Variants in CCDC28A observed in about 807,000 individuals in gnomAD.
CCDC28A encodes the protein coiled-coil domain containing 28A.
Under a neutral mutation model 22.1 loss-of-function variants are expected in CCDC28A, and 24 were observed. The observed-to-expected ratio is 1.09, with a 90% CI of 0.79 to 1.53. The LOEUF is 1.53. CCDC28A is among the 40% of genes most tolerant of loss of function. The probability of loss-of-function intolerance (pLI) is 0.00; values close to 1 mark genes in which losing one functional copy is unlikely to be tolerated. For synonymous variants in CCDC28A, 83 were observed against 74.7 expected (o/e 1.11, Z -0.57); for missense variants, 170 against 210.7 (o/e 0.81, Z 1.20).
chr6:138,773,896 T>C lies in CCDC28A; in HGVS notation c.-49T>C, dbSNP rs1250153117. 6.2e-7 allele frequency: 1 copy of C among 1,613,084 alleles called. No individual in the cohort carries two copies. The highest frequency in any genetic ancestry group is 8.5e-7 in the Non-Finnish European group (1 of 1,180,004). On this transcript the variant is annotated 5_prime_UTR_variant, in exon 1 of 6. Coordinates refer to ENST00000617445, the MANE Select transcript of CCDC28A (RefSeq NM_015439.3). Reference sequence around the variant, plus strand: ...CGGAAGGGGGCCCCAATACCCTTCTTCTTCAGGTATGTAGTGGAAGCAAAG... The same window carrying C: ...CGGAAGGGGGCCCCAATACCCTTCTCCTTCAGGTATGTAGTGGAAGCAAAG...
chr6:138,788,870 G>A (rs1775131934), intron 5 of CCDC28A, among the ~76,000 whole-genome samples: 1 of 151,902 alleles, frequency 6.6e-6, no homozygotes, highest in African/African-American at 2.4e-5. Flanking sequence ...GATAACTGAG[G>A]GTTAGGTTAG....
rs1302889299 is a variant in CCDC28A, at chr6:138,792,795, G to A, written c.547G>A (p.Ala183Thr). ...ADAQDVPNTSAS is the reference protein window; with the variant it reads ...ADAQDVPNTSTS ...TGCACAAGATGTTCCAAATACTTCT[G>A]CTAGCTAAAATGAAATGTAGTTTGC... The change falls in exon 6 of 6, where the codon GCT (alanine) becomes ACT (threonine). Residue 183 changes from alanine to threonine, a missense_variant. Physicochemically the swap from Ala to Thr is moderately conservative, Grantham distance 58 (BLOSUM62 0). Transcript: ENST00000617445. 1 of 1,607,014 alleles carries A rather than the reference G, an allele frequency of 6.2e-7. No homozygotes were observed. Among genetic ancestry groups the A allele is most frequent in the African/African-American group, 1.3e-5 (1 of 74,942 alleles).
chr6:138,790,558 T>C (rs1174580572), intron 5 of CCDC28A, among the ~76,000 whole-genome samples: 1 of 152,238 alleles, frequency 6.6e-6, no homozygotes, highest in East Asian at 1.9e-4. Context: ...CATAGCAGCA[T>C]AATACCCTAT....
rs1562440163 is a variant in CCDC28A, at chr6:138,784,350, TTTC to T, written c.323-874_323-872del. ...TTAAGGGACGATTTTCTTTTCTCTT[TTTC>T]TTTTTTTTTTTTTTTGAGACAAGGT... On this transcript the variant is annotated intron_variant, in intron 3 of 5. Transcript: ENST00000617445. Among the ~76,000 whole-genome samples, 4 of 69,452 alleles carry T rather than the reference TTTC, an allele frequency of 5.8e-5. 1 individual carries two copies. The highest frequency in any genetic ancestry group is 8.1e-5 in the Non-Finnish European group (3 of 36,924). 45.6% of individuals were successfully genotyped at this position (69,452 alleles called of 152,430 possible).
At chr6:138,785,405 T>C (rs1215241959) in intron 4 of CCDC28A, 24 bp downstream of exon 4, 2 of 1,572,248 alleles carry the variant, frequency 1.3e-6, no homozygotes, top group South Asian at 1.2e-5. Context: ...TTTTTCTTTG[T>C]TCTTTAAAAA....
At chr6:138,787,325 C>G (rs1277962766) in intron 4 of CCDC28A, among the ~76,000 whole-genome samples, 2 of 152,086 alleles carry the variant, frequency 1.3e-5, no homozygotes, top group East Asian at 3.9e-4. Flanking sequence ...GGAGAAAGCC[C>G]TCCTGTTTCA....
intron 2 of CCDC28A, among the ~76,000 whole-genome samples, chr6:138,777,004 A>G (rs1774943586): frequency 6.6e-6 from 1 of 152,218 alleles, no homozygotes; most frequent in African/African-American, 2.4e-5. Flanking sequence ...AGGAAACAGA[A>G]GTGACAAGTT....
chr6:138,776,864 A>C (rs1774941544), intron 2 of CCDC28A, among the ~76,000 whole-genome samples: 1 of 152,144 alleles, frequency 6.6e-6, no homozygotes, highest in Non-Finnish European at 1.5e-5. Context: ...TTTTTGTATA[A>C]ACTGTGTTTT....
At chr6:138,786,437 G>A (rs908162892) in intron 4 of CCDC28A, among the ~76,000 whole-genome samples, 3 of 152,150 alleles carry the variant, frequency 2.0e-5, no homozygotes, top group African/African-American at 4.8e-5. Context: ...TTCAACACAC[G>A]TTAGTTTTAG....
intron 3 of CCDC28A, among the ~76,000 whole-genome samples, chr6:138,783,685 G>T (rs147187828): frequency 0.012 from 1,828 of 151,744 alleles, 44 homozygotes; most frequent in African/African-American, 0.041. Context: ...TGATCCACCC[G>T]CCTCGGCCTC....
chr6:138,775,326 C>T (rs1035330089), intron 1 of CCDC28A, among the ~76,000 whole-genome samples: 8 of 152,158 alleles, frequency 5.3e-5, no homozygotes, highest in African/African-American at 1.7e-4. Context: ...AGGCCTTACA[C>T]GTATTCCGCA....
chr6:138,787,133 A>G (rs1775106069), intron 4 of CCDC28A, among the ~76,000 whole-genome samples: 1 of 152,342 alleles, frequency 6.6e-6, no homozygotes, highest in East Asian at 1.9e-4. Flanking sequence ...TGTAAGATAA[A>G]AATGCTGTAG....
At chr6:138,792,452 T>G (rs549557112) in intron 5 of CCDC28A, among the ~76,000 whole-genome samples, 2 of 151,758 alleles carry the variant, frequency 1.3e-5, no homozygotes, top group Admixed American at 6.6e-5. Flanking sequence ...AGCCCAGGAG[T>G]TCAAGGCTAC....
chr6:138,781,019 C>G (rs1775013544), intron 3 of CCDC28A, among the ~76,000 whole-genome samples: 1 of 152,020 alleles, frequency 6.6e-6, no homozygotes, highest in Non-Finnish European at 1.5e-5. Context: ...TATTCTTTCC[C>G]TCCCCAATGT....
intron 3 of CCDC28A, among the ~76,000 whole-genome samples, chr6:138,782,118 C>G (rs1317340410): frequency 6.6e-6 from 1 of 152,146 alleles, no homozygotes; most frequent in African/African-American, 2.4e-5. Context: ...TGGACCACTT[C>G]CACGTCTTTG....
intron 5 of CCDC28A, among the ~76,000 whole-genome samples, chr6:138,790,333 T>C (rs183919542): frequency 2.0e-5 from 3 of 152,288 alleles, no homozygotes; most frequent in Admixed American, 6.5e-5. Flanking sequence ...GTATTTTTAG[T>C]AGAGACGGGG....
intron 1 of CCDC28A, 128 bp downstream of exon 1, chr6:138,774,030 G>A: frequency 8.8e-7 from 1 of 1,135,550 alleles, no homozygotes; most frequent in Non-Finnish European, 1.2e-6. Flanking sequence ...GGAATGAGGT[G>A]ATGTCAAGAG....
intron 3 of CCDC28A, 41 bp from the exon 4 acceptor site, chr6:138,785,186 A>T (rs962413356): frequency 8.7e-6 from 13 of 1,495,640 alleles, no homozygotes; most frequent in African/African-American, 1.4e-5. Context: ...TGTTAGTTTG[A>T]ACTGTCCTAA....
intron 4 of CCDC28A, among the ~76,000 whole-genome samples, chr6:138,786,612 C>G (rs1775096333): frequency 6.6e-6 from 1 of 151,972 alleles, no homozygotes; most frequent in African/African-American, 2.4e-5. Context: ...TTTCCATTTA[C>G]AGTTCATGGT....
Sources: gnomAD v4.1 joint callset for allele counts (sites outside exome capture counted in the v4.1 genomes callset) on GRCh38, gnomAD v4.1.1 for gene constraint, MANE v1.5 for transcripts, NCBI Gene and HGNC (gene_info 2026-07-23, HGNC 2026-07-21) for gene names.